The following ERBB4 variants were observed in gnomAD, a reference collection of about 807,000 sequenced individuals.
ERBB4 encodes the protein erb-b2 receptor tyrosine kinase 4.
A neutral mutation model predicts 158.0 loss-of-function variants in ERBB4; 42 were observed. That is an observed-to-expected ratio of 0.27 (90% CI 0.21 to 0.34). The LOEUF (loss-of-function observed/expected upper bound fraction) is 0.34, where lower values mean the gene tolerates loss of function less well. Among genes scored for constraint, ERBB4 ranks in the 10% least tolerant of loss-of-function variants. ERBB4 has a pLI of 1.00. For synonymous variants in ERBB4, 583 were observed against 558.7 expected (o/e 1.04, Z -0.61); for missense variants, 1,333 against 1,624.1 (o/e 0.82, Z 3.08).
rs71054137 is a variant in ERBB4, at chr2:211,721,620, C to CATATATATATATATATAT, written c.883+755_883+772dup. Among the ~76,000 whole-genome samples the CATATATATATATATATAT allele has an allele frequency of 6.3e-3, 833 of 131,654 alleles. 19 individuals carry two copies. Among genetic ancestry groups the CATATATATATATATATAT allele is most frequent in the African/African-American group, 0.018 (587 of 31,922 alleles). The allele number at this position is 131,654 out of a possible 152,430, so 86.4% of individuals were successfully genotyped here. On this transcript the variant is annotated intron_variant, in intron 7 of 27. Coordinates refer to ENST00000342788, the MANE Select transcript of ERBB4 (RefSeq NM_005235.3). ...TATTTAAGGTTAATTTGCTATTAAA[C>CATATATATATATATATAT]ATATATATATATATATATATATATA...
intron 1 of ERBB4, among the ~76,000 whole-genome samples, chr2:212,306,536 T>A (rs1478947088): frequency 1.3e-5 from 2 of 151,450 alleles, no homozygotes; most frequent in African/African-American, 2.4e-5. Context: ...GATTTCCATT[T>A]AGAGCTTGTC....
chr2:212,050,744 G>A (rs1365979584), intron 2 of ERBB4, among the ~76,000 whole-genome samples: 1 of 152,074 alleles, frequency 6.6e-6, no homozygotes, highest in Non-Finnish European at 1.5e-5. Flanking sequence ...GATTAAGGAT[G>A]TTGTATCATT....
At chr2:212,537,950 T>C (rs984606290) in intron 1 of ERBB4, among the ~76,000 whole-genome samples, 1 of 152,042 alleles carries the variant, frequency 6.6e-6, no homozygotes, top group Admixed American at 6.5e-5. Context: ...GGCGCAGCGG[T>C]CGCCAGCAGC....
intron 16 of ERBB4, among the ~76,000 whole-genome samples, chr2:211,650,663 T>C (rs745582229): frequency 6.6e-6 from 1 of 152,090 alleles, no homozygotes. Context: ...CAAAGTTTCA[T>C]GATGACTGGG....
intron 5 of ERBB4, among the ~76,000 whole-genome samples, chr2:211,740,800 C>T (rs1168591700): frequency 6.6e-6 from 1 of 151,834 alleles, no homozygotes; most frequent in Non-Finnish European, 1.5e-5. Flanking sequence ...TTAGTGGAGA[C>T]GGGGTTTCAC....
chr2:211,440,289 C>T (rs1294595857), intron 20 of ERBB4, among the ~76,000 whole-genome samples: 1 of 152,182 alleles, frequency 6.6e-6, no homozygotes, highest in Admixed American at 6.5e-5. Context: ...ACTCCTTAGG[C>T]AGCCAATCAA....
intron 1 of ERBB4, among the ~76,000 whole-genome samples, chr2:212,162,172 T>C (rs2081219788): frequency 6.6e-6 from 1 of 151,832 alleles, no homozygotes; most frequent in South Asian, 2.1e-4. Flanking sequence ...ACAGCCTAGG[T>C]ATAAATCAAA....
chr2:211,452,186 A>T (rs1395276349), intron 20 of ERBB4, among the ~76,000 whole-genome samples: 1 of 144,104 alleles, frequency 6.9e-6, no homozygotes, highest in Admixed American at 6.6e-5. Context: ...AATAAACACT[A>T]TTTTTTTTTG....
intron 20 of ERBB4, among the ~76,000 whole-genome samples, chr2:211,512,043 T>A (rs1406457355): frequency 6.6e-6 from 1 of 152,132 alleles, no homozygotes; most frequent in Non-Finnish European, 1.5e-5. Context: ...AATTTTAAAA[T>A]TATTGTTTAA....
chr2:212,138,349 A>C (rs2080339160), intron 1 of ERBB4, among the ~76,000 whole-genome samples: 1 of 152,190 alleles, frequency 6.6e-6, no homozygotes, highest in Non-Finnish European at 1.5e-5. Context: ...TCTACAATGG[A>C]AGAAATATCA....
intron 3 of ERBB4, among the ~76,000 whole-genome samples, chr2:211,945,945 T>A (rs1028342987): frequency 6.6e-6 from 1 of 152,066 alleles, no homozygotes; most frequent in Non-Finnish European, 1.5e-5. Context: ...ATGCTTCCTA[T>A]GCAGGTTTTA....
At chr2:211,539,986 A>G (rs980342945) in intron 20 of ERBB4, among the ~76,000 whole-genome samples, 1 of 151,952 alleles carries the variant, frequency 6.6e-6, no homozygotes, top group Non-Finnish European at 1.5e-5. Flanking sequence ...TTCATTTTAT[A>G]TGATGCTTTC....
chr2:211,392,790 C>T (rs1171097276), intron 25 of ERBB4, among the ~76,000 whole-genome samples: 4 of 152,030 alleles, frequency 2.6e-5, no homozygotes, highest in African/African-American at 9.7e-5. Context: ...GCCTCAGCCT[C>T]CCGAGTAGCT....
intron 19 of ERBB4, among the ~76,000 whole-genome samples, chr2:211,606,468 T>C (rs977290861): frequency 5.9e-5 from 9 of 152,044 alleles, no homozygotes; most frequent in Middle Eastern, 3.2e-3. Flanking sequence ...TATAGGCTGT[T>C]ACTTTAAATG....
chr2:212,029,732 T>G (rs1427304535), intron 2 of ERBB4, among the ~76,000 whole-genome samples: 1 of 152,192 alleles, frequency 6.6e-6, no homozygotes, highest in African/African-American at 2.4e-5. Flanking sequence ...TATTATTTTA[T>G]CAGTATTCAT....
intron 3 of ERBB4, among the ~76,000 whole-genome samples, chr2:211,818,787 T>G (rs540161561): frequency 1.3e-5 from 2 of 152,050 alleles, no homozygotes; most frequent in African/African-American, 4.8e-5. Context: ...TGAAGACAGA[T>G]TCTGTGAGGA....
chr2:212,122,764 A>G (rs1272283710), intron 2 of ERBB4, among the ~76,000 whole-genome samples: 1 of 151,874 alleles, frequency 6.6e-6, no homozygotes, highest in Non-Finnish European at 1.5e-5. Flanking sequence ...TTACAAGACC[A>G]TAAGAATTAT....
intron 5 of ERBB4, among the ~76,000 whole-genome samples, chr2:211,735,071 T>C (rs1462211304): frequency 1.3e-5 from 2 of 152,170 alleles, no homozygotes; most frequent in African/African-American, 4.8e-5. Flanking sequence ...TTTATGTGCT[T>C]ATGTGTATAT....
chr2:212,494,702 T>G (rs1003197215), intron 1 of ERBB4, among the ~76,000 whole-genome samples: 1 of 152,088 alleles, frequency 6.6e-6, no homozygotes, highest in Non-Finnish European at 1.5e-5. Flanking sequence ...TCAATTAAAA[T>G]TGCATCACCC....
Sources: gnomAD v4.1 joint callset for allele counts (sites outside exome capture counted in the v4.1 genomes callset) on GRCh38, gnomAD v4.1.1 for gene constraint, MANE v1.5 for transcripts, NCBI Gene and HGNC (gene_info 2026-07-23, HGNC 2026-07-21) for gene names.